Variants in C7orf78 observed in about 807,000 individuals in gnomAD.
C7orf78 encodes putative uncharacterized protein C7orf78.
chr7:12,496,018 C>T, the C7orf78 span, among the ~76,000 whole-genome samples: 7 of 152,200 alleles, frequency 4.6e-5, no homozygotes, highest in South Asian at 6.2e-4. Flanking sequence ...CTCTGCCTCC[C>T]GGGTTCACGC....
chr7:12,533,436 G>A, the C7orf78 span, among the ~76,000 whole-genome samples: 6 of 151,556 alleles, frequency 4.0e-5, no homozygotes, highest in South Asian at 2.1e-4. Flanking sequence ...CCTGACCTCA[G>A]GTGATCAACC....
the C7orf78 span, among the ~76,000 whole-genome samples, chr7:12,539,775 A>G: frequency 6.6e-6 from 1 of 152,194 alleles, no homozygotes; most frequent in Non-Finnish European, 1.5e-5. Context: ...GACTAAACCT[A>G]TGGGTTTATA....
chr7:12,503,063 T>G, the C7orf78 span, among the ~76,000 whole-genome samples: 3 of 123,178 alleles, frequency 2.4e-5, no homozygotes, highest in African/African-American at 3.5e-5. Flanking sequence ...AAGGGGAACA[T>G]GACACTCTGG....
the C7orf78 span, chr7:12,491,420 G>A: frequency 2.0e-5 from 3 of 152,124 alleles, no homozygotes; most frequent in Admixed American, 2.0e-4. Flanking sequence ...GTATTTTACT[G>A]CCTCAAGATT....
the C7orf78 span, among the ~76,000 whole-genome samples, chr7:12,498,356 T>C: frequency 6.6e-6 from 1 of 150,638 alleles, no homozygotes; most frequent in Non-Finnish European, 1.5e-5. Flanking sequence ...GAAGAATGTA[T>C]AACTAGAATA....
chr7:12,509,576 G>GT, the C7orf78 span, among the ~76,000 whole-genome samples: 33 of 152,156 alleles, frequency 2.2e-4, no homozygotes, highest in African/African-American at 8.0e-4. Context: ...CCATCCTACA[G>GT]TATGTTTTTA....
the C7orf78 span, among the ~76,000 whole-genome samples, chr7:12,533,737 C>T: frequency 2.6e-5 from 4 of 151,954 alleles, no homozygotes; most frequent in East Asian, 1.9e-4. Context: ...AGGATGGTCT[C>T]GATCTCCTGA....
At chr7:12,541,626 C>A in the C7orf78 span, 2 of 148,158 alleles carry the variant, frequency 1.3e-5, no homozygotes, top group Admixed American at 6.7e-5. Context: ...CATAGGATAC[C>A]AGATGGTTAG....
the C7orf78 span, among the ~76,000 whole-genome samples, chr7:12,521,691 A>G: frequency 7.4e-6 from 1 of 134,410 alleles, no homozygotes; most frequent in Non-Finnish European, 1.5e-5. Context: ...TTTTGAGGCC[A>G]CCCTCCATAC....
chr7:12,517,939 G>A, the C7orf78 span, among the ~76,000 whole-genome samples: 3 of 152,088 alleles, frequency 2.0e-5, no homozygotes, highest in Non-Finnish European at 4.4e-5. Flanking sequence ...CTTTGGGGGT[G>A]TCATATTTCT....
chr7:12,498,831 A>G, the C7orf78 span, among the ~76,000 whole-genome samples: 1 of 151,022 alleles, frequency 6.6e-6, no homozygotes, highest in Non-Finnish European at 1.5e-5. Context: ...GGGCAGCCAG[A>G]GAGAAAGGTC....
At chr7:12,511,132 G>C in the C7orf78 span, among the ~76,000 whole-genome samples, 1 of 151,800 alleles carries the variant, frequency 6.6e-6, no homozygotes, top group Non-Finnish European at 1.5e-5. Context: ...ACTATGTATT[G>C]AAGAGGGTTT....
the C7orf78 span, among the ~76,000 whole-genome samples, chr7:12,515,172 A>G: frequency 2.0e-5 from 3 of 152,170 alleles, no homozygotes; most frequent in Admixed American, 6.5e-5. Context: ...CTCATCTTGA[A>G]TTGTACTCCC....
At chr7:12,507,304 CAAAAAAAAAA>C in the C7orf78 span, 7 of 75,088 alleles carry the variant, frequency 9.3e-5, no homozygotes, top group African/African-American at 3.7e-4. Flanking sequence ...GAGACTCCAC[CAAAAAAAAAA>C]AAAAAAAAAA....
the C7orf78 span, among the ~76,000 whole-genome samples, chr7:12,487,401 A>T: frequency 6.6e-6 from 1 of 152,054 alleles, no homozygotes; most frequent in Admixed American, 6.6e-5. Context: ...AAAAATGAAG[A>T]TATGTTCACG....
At chr7:12,536,937 A>G in the C7orf78 span, among the ~76,000 whole-genome samples, 1 of 152,092 alleles carries the variant, frequency 6.6e-6, no homozygotes, top group Non-Finnish European at 1.5e-5. Context: ...CACTATCAGC[A>G]TTTTGGTCAA....
chr7:12,486,568 A>G, the C7orf78 span, among the ~76,000 whole-genome samples: 4 of 151,990 alleles, frequency 2.6e-5, no homozygotes, highest in Admixed American at 1.3e-4. Flanking sequence ...GAAGGAAAAG[A>G]TTGAAGCCAT....
the C7orf78 span, among the ~76,000 whole-genome samples, chr7:12,515,830 A>T: frequency 6.6e-5 from 10 of 152,138 alleles, no homozygotes; most frequent in Admixed American, 6.5e-4. Context: ...TAGAGAGAAG[A>T]TTTAGGGTAT....
the C7orf78 span, among the ~76,000 whole-genome samples, chr7:12,509,826 T>A: frequency 1.3e-5 from 2 of 152,188 alleles, no homozygotes; most frequent in Admixed American, 6.5e-5. Context: ...GGCTCATGCC[T>A]GTAATCCCAG....
Sources: allele counts gnomAD v4.1 joint callset (sites outside exome capture counted in the v4.1 genomes callset), GRCh38; gene constraint gnomAD v4.1.1; transcripts MANE v1.5; gene names NCBI Gene and HGNC (gene_info 2026-07-23, HGNC 2026-07-21).